ATP13A4: variants seen among roughly 807,000 people sequenced by gnomAD.
ATP13A4 encodes probable cation-transporting ATPase 13A4.
In ATP13A4, 114 loss-of-function variants were observed where a neutral mutation model predicts 142.5. The observed-to-expected ratio is 0.80, with a 90% confidence interval of 0.69 to 0.93. The LOEUF is 0.93. ATP13A4 is among the 40% of genes least tolerant of loss of function. The probability of loss-of-function intolerance (pLI) is 0.00; values close to 1 mark genes in which losing one functional copy is unlikely to be tolerated. For missense variants in ATP13A4, 1,392 were observed against 1,454.0 expected (o/e 0.96, Z 0.69); for synonymous variants, 488 against 514.8 (o/e 0.95, Z 0.70).
intron 25 of ATP13A4, among the ~76,000 whole-genome samples, chr3:193,416,724 A>T (rs530555299): frequency 6.6e-6 from 1 of 152,308 alleles, no homozygotes; most frequent in Admixed American, 6.5e-5. Context: ...CCTAAAGGGC[A>T]TGTATAACAC....
At chr3:193,409,898 A>T (rs759358368) in intron 28 of ATP13A4, among the ~76,000 whole-genome samples, 1 of 152,204 alleles carries the variant, frequency 6.6e-6, no homozygotes, top group Admixed American at 6.5e-5. Context: ...TGTGGAAGGC[A>T]CTGGTAATAC....
Position 193,399,169 on chromosome 3 carries a change from A to G in ATP13A4, c.*3483T>C, listed in dbSNP as rs1714185781. The stretch of plus-strand genomic sequence containing the variant: ...GTGGGTAAGAGCTAGATGCCTTGAG[A>G]TGAACATACAGGGCACCGTCTCAAA... On this transcript the variant is annotated 3_prime_UTR_variant, in exon 30 of 30. Transcript: ENST00000342695. Among the ~76,000 whole-genome samples, 1 of 152,188 alleles carries G rather than the reference A, an allele frequency of 6.6e-6. No homozygotes were observed. The highest frequency in any genetic ancestry group is 6.5e-5 in the Admixed American group (1 of 15,278).
chr3:193,496,325 T>C (rs1210103415), intron 3 of ATP13A4, among the ~76,000 whole-genome samples: 1 of 152,184 alleles, frequency 6.6e-6, no homozygotes, highest in Non-Finnish European at 1.5e-5. Context: ...CAAATTTCAC[T>C]ACAAAGCGAT....
In ATP13A4 at chr3:193,457,026, A is replaced by G. The variant is rs773126653; in HGVS notation, c.1889T>C (p.Val630Ala). The change falls in exon 16 of 30, where the codon GTG (valine) becomes GCG (alanine). Residue 630 changes from valine to alanine, a missense_variant. Coordinates refer to ENST00000342695, the MANE Select transcript of ATP13A4 (RefSeq NM_032279.4). ...TGTCTCAGGTTGGCAAAAGCTGGCC[A>G]CCCTCTCTGGTGCACCTTTCATGAA... ...LAFMKGAPER[V>A]ASFCQPETVP... 3 of 1,613,962 alleles carry G rather than the reference A, an allele frequency of 1.9e-6. No homozygotes were observed. In the East Asian group the frequency reaches 6.7e-5, roughly 36 times the overall value.
intron 8 of ATP13A4, among the ~76,000 whole-genome samples, chr3:193,480,750 C>A (rs758961913): frequency 2.0e-5 from 3 of 152,042 alleles, no homozygotes; most frequent in Non-Finnish European, 4.4e-5. Context: ...GTAAATCTAC[C>A]ATTTGATCCA....
intron 2 of ATP13A4, among the ~76,000 whole-genome samples, chr3:193,573,308 C>CTTATATATATATATATTCTTATAT (rs1229145689): frequency 9.6e-6 from 1 of 103,672 alleles, no homozygotes; most frequent in East Asian, 2.5e-4. Flanking sequence ...TATATATATA[C>CTTATATATATATATATTCTTATAT]ATATATATAT....
chr3:193,425,353 C>G (rs1466164285), intron 25 of ATP13A4, among the ~76,000 whole-genome samples: 2 of 151,796 alleles, frequency 1.3e-5, no homozygotes, highest in Non-Finnish European at 1.5e-5. Flanking sequence ...AGCAATCCCA[C>G]TACTGGGTAT....
At chr3:193,478,051 T>C (rs1436259949) in intron 8 of ATP13A4, among the ~76,000 whole-genome samples, 7 of 152,044 alleles carry the variant, frequency 4.6e-5, no homozygotes, top group African/African-American at 1.5e-4. Context: ...CGAAGCAGTG[T>C]TATATTCATA....
chr3:193,435,629 G>T lies in ATP13A4; in HGVS notation c.2769+19C>A. ...TGTTTTAGTTCACACTAACCAAGAG[G>T]CTAAGTCCCAAGTCATACCCAGTAG... is the stretch of plus-strand genomic sequence containing the variant. On this transcript the variant is annotated intron_variant, in intron 24 of 29. Coordinates refer to ENST00000342695, the MANE Select transcript of ATP13A4 (RefSeq NM_032279.4). 6.3e-7 allele frequency: 1 copy of T among 1,593,692 alleles called. No individual in the cohort carries two copies. The highest frequency in any genetic ancestry group is 8.6e-7 in the Non-Finnish European group (1 of 1,161,600).
At chr3:193,425,224 G>T (rs1176357776) in intron 25 of ATP13A4, among the ~76,000 whole-genome samples, 1 of 151,548 alleles carries the variant, frequency 6.6e-6, no homozygotes, top group Non-Finnish European at 1.5e-5. Flanking sequence ...ATATTAGTGA[G>T]AATGTAAAGA....
In ATP13A4 at chr3:193,440,557, C is replaced by G. The variant is rs750967028; in HGVS notation, c.2519+1G>C. ...GCCACCTGCACTGGCAAAGAACCTACTCCAGTTTCTGAAATTCTTCCACCA... is the reference window on the plus strand; with the variant it reads ...GCCACCTGCACTGGCAAAGAACCTAGTCCAGTTTCTGAAATTCTTCCACCA... On this transcript the variant is annotated splice_donor_variant, in intron 21 of 29. Coordinates refer to ENST00000342695, the MANE Select transcript of ATP13A4 (RefSeq NM_032279.4). LOFTEE classifies it high-confidence loss of function. 2 of 1,613,964 alleles carry G rather than the reference C, an allele frequency of 1.2e-6. No individual in the cohort carries two copies. The highest frequency in any genetic ancestry group is 2.2e-5 in the South Asian group (2 of 91,082).
chr3:193,457,200 T>C, intron 15 of ATP13A4, 47 bp from the exon 16 acceptor site: 5 of 1,609,612 alleles, frequency 3.1e-6, no homozygotes, highest in Non-Finnish European at 4.2e-6. Context: ...ATACAGCTTC[T>C]AGCTACTGGG....
intron 1 of ATP13A4, among the ~76,000 whole-genome samples, chr3:193,529,765 C>T (rs891456391): frequency 6.6e-6 from 1 of 152,032 alleles, no homozygotes; most frequent in Non-Finnish European, 1.5e-5. Flanking sequence ...TTATAAGGAG[C>T]CTTATTTTTG....
chr3:193,515,564 C>A (rs552877842), intron 1 of ATP13A4, among the ~76,000 whole-genome samples: 8 of 152,028 alleles, frequency 5.3e-5, no homozygotes, highest in African/African-American at 1.9e-4. Flanking sequence ...AGGAAAACAC[C>A]ATAGGGACTA....
In ATP13A4 at chr3:193,573,290, C is replaced by CTTATATATATATGT. The variant is rs1279066051; in HGVS notation, n.291+8416_291+8417insACATATATATATAA. 2.3e-3 allele frequency among the ~76,000 whole-genome samples: 254 copies of CTTATATATATATGT among 109,940 alleles called. 13 individuals carry two copies. The highest frequency in any genetic ancestry group is 0.011 in the African/African-American group (244 of 22,666). 72.1% of individuals were successfully genotyped at this position (109,940 alleles called of 152,430 possible). On this transcript the variant is annotated intron_variant and non_coding_transcript_variant, in intron 2 of 3. Transcript: ENST00000489140. Reference sequence around the variant, plus strand: ...ATATATATATACATATATATATATACACATATATATATATATACATATATA... The same window carrying CTTATATATATATGT: ...ATATATATATACATATATATATATACTTATATATATATGTACATATATATATATATACATATATA...
chr3:193,537,686 C>G (rs1478856862), intron 1 of ATP13A4, among the ~76,000 whole-genome samples: 1 of 152,032 alleles, frequency 6.6e-6, no homozygotes, highest in Non-Finnish European at 1.5e-5. Context: ...ATCTGTAAAC[C>G]ACACCTGGAA....
intron 1 of ATP13A4, among the ~76,000 whole-genome samples, chr3:193,547,236 C>T (rs570597074): frequency 6.6e-6 from 1 of 152,330 alleles, no homozygotes; most frequent in Admixed American, 6.5e-5. Context: ...ATTTCAAATA[C>T]TTCCTCACTG....
intron 1 of ATP13A4, among the ~76,000 whole-genome samples, chr3:193,584,597 C>A (rs1724632890): frequency 6.7e-6 from 1 of 149,276 alleles, no homozygotes; most frequent in Non-Finnish European, 1.5e-5. Flanking sequence ...TCTGTTGGGT[C>A]CATTTCACTT....
chr3:193,494,554 G>T (rs1720121640), intron 3 of ATP13A4, among the ~76,000 whole-genome samples: 1 of 151,934 alleles, frequency 6.6e-6, no homozygotes. Flanking sequence ...AATTAAAAGA[G>T]ACATTCAAAA....
Sources: gnomAD v4.1 joint callset for allele counts (sites outside exome capture counted in the v4.1 genomes callset) on GRCh38, gnomAD v4.1.1 for gene constraint, MANE v1.5 for transcripts, NCBI Gene and HGNC (gene_info 2026-07-23, HGNC 2026-07-21) for gene names.